Variants in ITPRID1 observed in about 807,000 individuals in gnomAD.
The protein encoded by ITPRID1 is protein ITPRID1.
Under a neutral mutation model 95.4 loss-of-function variants are expected in ITPRID1, and 96 were observed. The observed-to-expected ratio is 1.01, with a 90% CI of 0.85 to 1.19. The LOEUF (loss-of-function observed/expected upper bound fraction) is 1.19, where lower values mean the gene tolerates loss of function less well. Among genes scored for constraint, ITPRID1 ranks in the 50% most tolerant of loss-of-function variants. The probability of loss-of-function intolerance (pLI) is 0.00; values close to 1 mark genes in which losing one functional copy is unlikely to be tolerated. For missense variants in ITPRID1, 1,339 were observed against 1,252.9 expected (o/e 1.07, Z -1.04); for synonymous variants, 510 against 453.6 (o/e 1.12, Z -1.58).
intron 12 of ITPRID1, among the ~76,000 whole-genome samples, chr7:31,645,487 T>C (rs1294547447): frequency 6.6e-6 from 1 of 152,154 alleles, no homozygotes; most frequent in Non-Finnish European, 1.5e-5. Flanking sequence ...TTCCAAAAGT[T>C]CAGTGGAAGA....
chr7:31,604,086 G>A (rs1183709959), intron 10 of ITPRID1, among the ~76,000 whole-genome samples: 1 of 152,166 alleles, frequency 6.6e-6, no homozygotes, highest in Admixed American at 6.5e-5. Context: ...CCCTTTGCAT[G>A]CATCTTTGTA....
At position 31,651,211 on chromosome 7, in the gene ITPRID1, G is replaced by C; in HGVS notation, c.2653G>C (p.Glu885Gln). The C allele has an allele frequency of 1.9e-6, 3 of 1,613,574 alleles. No individual in the cohort carries two copies. The highest frequency in any genetic ancestry group is 1.7e-6 in the Non-Finnish European group (2 of 1,179,660). Residue 885 changes from glutamate to glutamine, a missense_variant, in exon 13 of 15, where the codon GAA becomes CAA. Physicochemically the swap from Glu to Gln is conservative, Grantham distance 29. Transcript: ENST00000615280. Reference sequence around the variant, plus strand: ...TTTCCGGGAGTATTTAGAAGAAATTGAACAGCACCTTATGGGACAGCAGGC... The same window carrying C: ...TTTCCGGGAGTATTTAGAAGAAATTCAACAGCACCTTATGGGACAGCAGGC... ...QSFREYLEEIEQHLMGQQALF... is the reference protein window; with the variant it reads ...QSFREYLEEIQQHLMGQQALF...
chr7:31,514,473 C>A (rs1183812111), intron 1 of ITPRID1, among the ~76,000 whole-genome samples: 1 of 151,902 alleles, frequency 6.6e-6, no homozygotes, highest in Non-Finnish European at 1.5e-5. Context: ...TGGATGGGGG[C>A]AGAGGAGAAA....
chr7:31,536,800 G>A (rs1049076552), intron 1 of ITPRID1, among the ~76,000 whole-genome samples: 9 of 152,012 alleles, frequency 5.9e-5, no homozygotes, highest in Non-Finnish European at 1.0e-4. Context: ...GTTTATATAA[G>A]GCTTGTCTCA....
chr7:31,588,592 A>C (rs554990881), intron 10 of ITPRID1, among the ~76,000 whole-genome samples: 5 of 118,562 alleles, frequency 4.2e-5, no homozygotes, highest in Non-Finnish European at 8.1e-5. Flanking sequence ...GATTGTGTCA[A>C]CTGCACTCCA....
intron 1 of ITPRID1, among the ~76,000 whole-genome samples, chr7:31,521,166 T>C (rs1583454241): frequency 6.6e-6 from 1 of 152,238 alleles, no homozygotes; most frequent in East Asian, 1.9e-4. Flanking sequence ...AAGTAGAAAC[T>C]TAGACTGTAG....
intron 10 of ITPRID1, among the ~76,000 whole-genome samples, chr7:31,621,972 A>G (rs1376984355): frequency 1.6e-4 from 23 of 147,250 alleles, no homozygotes; most frequent in African/African-American, 5.3e-4. Flanking sequence ...CTGATAAAAC[A>G]GACTTTAAAC....
intron 13 of ITPRID1, among the ~76,000 whole-genome samples, chr7:31,651,653 T>C (rs1020469190): frequency 3.3e-5 from 5 of 152,020 alleles, no homozygotes; most frequent in African/African-American, 7.3e-5. Flanking sequence ...CTTGGGGAAA[T>C]AGAAGTGTTT....
At chr7:31,627,643 G>C (rs983713477) in intron 10 of ITPRID1, among the ~76,000 whole-genome samples, 3 of 100,648 alleles carry the variant, frequency 3.0e-5, no homozygotes, top group African/African-American at 1.2e-4. Flanking sequence ...CTGAGCAACA[G>C]AGCAAGACAC....
intron 10 of ITPRID1, among the ~76,000 whole-genome samples, chr7:31,614,704 C>T (rs779126349): frequency 1.1e-4 from 16 of 152,142 alleles, no homozygotes; most frequent in East Asian, 1.9e-4. Context: ...GAGTGTAGAG[C>T]GTTGTGGCAC....
At chr7:31,620,673 A>T (rs1225584870) in intron 10 of ITPRID1, among the ~76,000 whole-genome samples, 1 of 151,558 alleles carries the variant, frequency 6.6e-6, no homozygotes, top group Non-Finnish European at 1.5e-5. Context: ...AACAGAACAG[A>T]AAAACTGGAA....
chr7:31,642,342 A>C, intron 11 of ITPRID1, 84 bp downstream of exon 11: 1 of 907,166 alleles, frequency 1.1e-6, no homozygotes, highest in Non-Finnish European at 1.7e-6. Flanking sequence ...CCCAAACCTC[A>C]CTCACAGCTA....
chr7:31,604,704 A>G (rs1165147822), intron 10 of ITPRID1, among the ~76,000 whole-genome samples: 2 of 152,254 alleles, frequency 1.3e-5, no homozygotes, highest in Non-Finnish European at 1.5e-5. Flanking sequence ...ATGCTTTTCT[A>G]TGCTTCCTAT....
chr7:31,626,297 C>T (rs1202045261), intron 10 of ITPRID1, among the ~76,000 whole-genome samples: 1 of 152,158 alleles, frequency 6.6e-6, no homozygotes, highest in East Asian at 1.9e-4. Context: ...ATTAGGCCAA[C>T]TGCATAACTC....
intron 5 of ITPRID1, among the ~76,000 whole-genome samples, chr7:31,565,887 G>A (rs1488048535): frequency 2.0e-5 from 3 of 152,186 alleles, no homozygotes; most frequent in African/African-American, 7.2e-5. Flanking sequence ...TAGTTGTACT[G>A]TGAAAGGCAA....
Position 31,656,351 on chromosome 7 carries a change from G to A in ITPRID1, c.*3522G>A. ...CCTAGTTTCTTCCTCTGTAAAATAGGGAGAAGAAAAACAACATAGAGTTGT... is the reference window on the plus strand; with the variant it reads ...CCTAGTTTCTTCCTCTGTAAAATAGAGAGAAGAAAAACAACATAGAGTTGT... On this transcript the variant is annotated 3_prime_UTR_variant, in exon 15 of 15. Transcript: ENST00000615280. 1 of 281,512 alleles carries A rather than the reference G, an allele frequency of 3.6e-6. No individual in the cohort carries two copies. Among genetic ancestry groups the A allele is most frequent in the Non-Finnish European group, 5.4e-6 (1 of 186,458 alleles). 17.4% of individuals were successfully genotyped at this position (281,512 alleles called of 1,614,324 possible). A position where few individuals can be genotyped will look rare whatever the true frequency, so the allele number is the denominator to read the frequency against.
intron 10 of ITPRID1, among the ~76,000 whole-genome samples, chr7:31,636,114 T>C (rs1293606882): frequency 1.3e-5 from 2 of 152,030 alleles, no homozygotes; most frequent in African/African-American, 4.8e-5. Flanking sequence ...TCATGAGAAC[T>C]CACTCACTGT....
intron 12 of ITPRID1, among the ~76,000 whole-genome samples, chr7:31,649,929 T>C (rs867090167): frequency 6.6e-6 from 1 of 152,172 alleles, no homozygotes; most frequent in African/African-American, 2.4e-5. Context: ...AGAGGTGATT[T>C]GGGCATTCTA....
chr7:31,557,390 G>A (rs965429900), intron 5 of ITPRID1, among the ~76,000 whole-genome samples: 1 of 152,084 alleles, frequency 6.6e-6, no homozygotes, highest in Non-Finnish European at 1.5e-5. Flanking sequence ...AAATAACATA[G>A]ATAGTTGGGA....
Sources: allele counts gnomAD v4.1 joint callset (sites outside exome capture counted in the v4.1 genomes callset), GRCh38; gene constraint gnomAD v4.1.1; transcripts MANE v1.5; gene names NCBI Gene and HGNC (gene_info 2026-07-23, HGNC 2026-07-21).